The following AGBL1 variants were observed in gnomAD, a reference collection of about 807,000 sequenced individuals.
The protein encoded by AGBL1 is cytosolic carboxypeptidase 4.
AGBL1 carries 130 observed loss-of-function variants against 118.9 expected under a neutral mutation model. The ratio of observed to expected loss-of-function variants is 1.09; its 90% confidence interval spans 0.95 to 1.26. The LOEUF (loss-of-function observed/expected upper bound fraction) is 1.26. AGBL1 is among the 50% of genes most tolerant of loss of function. The pLI is 0.00. For missense variants in AGBL1, 1,584 were observed against 1,298.1 expected (o/e 1.22, Z -3.38); for synonymous variants, 555 against 478.9 (o/e 1.16, Z -2.08).
At chr15:86,315,057 A>T (rs2079980544) in intron 17 of AGBL1, among the ~76,000 whole-genome samples, 2 of 152,198 alleles carry the variant, frequency 1.3e-5, no homozygotes, top group Non-Finnish European at 1.5e-5. Flanking sequence ...ACACAGCGTA[A>T]AGAGAGGGTG....
In AGBL1 at chr15:86,262,795, A is replaced by C; in HGVS notation, c.987A>C (p.Thr329=). The C allele has an allele frequency of 6.2e-7, 1 of 1,607,052 alleles. No individual in the cohort carries two copies. The highest frequency in any genetic ancestry group is 1.1e-5 in the South Asian group (1 of 89,460). ...DGKVEDDDLE[T]DVNKLSSKPG... ...CATTTTAGGATGATGACTTGGAAAC[A>C]GACGTGAACAAGCTGAGTTCCAAAC... Residue 329 remains threonine, a synonymous_variant, in exon 10 of 23, where the codon ACA becomes ACC. Coordinates refer to ENST00000614907, the MANE Select transcript of AGBL1 (RefSeq NM_001386094.1).
At chr15:86,566,093 C>T (rs1469547548) in intron 21 of AGBL1, among the ~76,000 whole-genome samples, 1 of 126,730 alleles carries the variant, frequency 7.9e-6, no homozygotes, top group Non-Finnish European at 1.6e-5. Flanking sequence ...GAGGTGATGC[C>T]TCGCCCTGCT....
Position 86,264,257 on chromosome 15 carries a change from G to A in AGBL1, c.1087-1G>A. 6.3e-7 allele frequency: 1 copy of A among 1,581,920 alleles called. No homozygotes were observed. The highest frequency in any genetic ancestry group is 8.6e-7 in the Non-Finnish European group (1 of 1,164,102). On this transcript the variant is annotated splice_acceptor_variant, in intron 10 of 22. Transcript: ENST00000614907. LOFTEE classifies it high-confidence loss of function. ...TATTGTATTCCATTTTGAACCTGAAGGAACTGCAGTCCAAACTTGGAGATG... is the reference window on the plus strand; with the variant it reads ...TATTGTATTCCATTTTGAACCTGAAAGAACTGCAGTCCAAACTTGGAGATG...
intron 18 of AGBL1, among the ~76,000 whole-genome samples, chr15:86,452,434 T>A (rs192468875): frequency 5.2e-4 from 79 of 152,330 alleles, no homozygotes; most frequent in Non-Finnish European, 8.8e-4. Flanking sequence ...TATGACACTG[T>A]AATGTAATTT....
intron 18 of AGBL1, among the ~76,000 whole-genome samples, chr15:86,437,380 G>A (rs767636704): frequency 5.4e-4 from 82 of 152,226 alleles, no homozygotes; most frequent in Non-Finnish European, 8.2e-4. Flanking sequence ...AGATTGAGGA[G>A]GCACTGCTCC....
intron 1 of AGBL1, among the ~76,000 whole-genome samples, chr15:86,092,803 G>A (rs935250372): frequency 2.6e-5 from 4 of 152,010 alleles, no homozygotes; most frequent in African/African-American, 9.7e-5. Context: ...GAGCAAGAGA[G>A]GGTCAAATTC....
At chr15:86,691,362 T>TC (rs1491542655) in intron 22 of AGBL1, among the ~76,000 whole-genome samples, 1 of 152,186 alleles carries the variant, frequency 6.6e-6, no homozygotes, top group Non-Finnish European at 1.5e-5. Context: ...TTTTAAATCT[T>TC]CCAACTTGTG....
At chr15:86,411,021 T>A (rs534330300) in intron 18 of AGBL1, among the ~76,000 whole-genome samples, 1 of 146,694 alleles carries the variant, frequency 6.8e-6, no homozygotes, top group East Asian at 2.0e-4. Context: ...TAGAACTGAA[T>A]AGGTTGTACA....
chr15:86,565,901 A>T (rs1287799085), intron 21 of AGBL1, among the ~76,000 whole-genome samples: 1 of 152,204 alleles, frequency 6.6e-6, no homozygotes, highest in Non-Finnish European at 1.5e-5. Flanking sequence ...GCAATGAGCG[A>T]GGCTCCATGG....
chr15:86,947,941 T>C (rs2080842611), intron 23 of AGBL1, among the ~76,000 whole-genome samples: 1 of 152,238 alleles, frequency 6.6e-6, no homozygotes, highest in Non-Finnish European at 1.5e-5. Context: ...ACATTAATTA[T>C]CTGCTTTAGC....
chr15:86,661,502 G>C (rs1263468089), intron 21 of AGBL1, among the ~76,000 whole-genome samples: 5 of 151,678 alleles, frequency 3.3e-5, no homozygotes, highest in Admixed American at 3.3e-4. Context: ...ACCCAGTCCA[G>C]TTAGCAGAAC....
At chr15:86,488,338 T>C (rs546397470) in intron 18 of AGBL1, among the ~76,000 whole-genome samples, 1 of 151,992 alleles carries the variant, frequency 6.6e-6, no homozygotes, top group South Asian at 2.1e-4. Flanking sequence ...ACCCCCGAGA[T>C]TGCTGCCAAA....
At chr15:86,598,615 G>T (rs75037430) in intron 21 of AGBL1, among the ~76,000 whole-genome samples, 2 of 152,010 alleles carry the variant, frequency 1.3e-5, no homozygotes, top group East Asian at 3.9e-4. Context: ...AATGACTTCT[G>T]CCAGAGTTAG....
At chr15:86,262,078 C>CTTTTTTTTTTTTTTTCTTT (rs2078997869) in intron 9 of AGBL1, among the ~76,000 whole-genome samples, 1 of 52,768 alleles carries the variant, frequency 1.9e-5, no homozygotes, top group African/African-American at 6.1e-5. Flanking sequence ...GCATAGCTGG[C>CTTTTTTTTTTTTTTTCTTT]TTTTTTTTTT....
chr15:86,804,457 A>G (rs1030265495), intron 22 of AGBL1, among the ~76,000 whole-genome samples: 7 of 152,174 alleles, frequency 4.6e-5, no homozygotes, highest in Non-Finnish European at 8.8e-5. Flanking sequence ...TTTCAAGCCA[A>G]TGGTGGAGGC....
intron 22 of AGBL1, among the ~76,000 whole-genome samples, chr15:86,694,362 A>G (rs944720005): frequency 2.6e-5 from 4 of 151,888 alleles, no homozygotes; most frequent in East Asian, 1.9e-4. Context: ...CAGCTAACGT[A>G]AAGGGTGTTG....
chr15:86,694,618 A>G (rs1446760569), intron 22 of AGBL1, among the ~76,000 whole-genome samples: 1 of 151,476 alleles, frequency 6.6e-6, no homozygotes, highest in Non-Finnish European at 1.5e-5. Flanking sequence ...TCTGACTAGG[A>G]CTCCCAGTTC....
rs757625817 is a variant in AGBL1 at position 86,258,012 on chromosome 15, C to G, written c.950C>G (p.Thr317Ser). The change falls in exon 9 of 23, where the codon ACT (threonine) becomes AGT (serine). Residue 317 changes from threonine (T) to serine (S), a missense_variant. Transcript: ENST00000614907. ...GDDEVDKDSD[T>S]EDGKVEDDDL... is the part of the protein sequence containing the mutation. ...GATGAAGTGGACAAAGACTCTGATACTGAAGATGGGAAAGTGGAAGTAGGT... is the reference window on the plus strand; with the variant it reads ...GATGAAGTGGACAAAGACTCTGATAGTGAAGATGGGAAAGTGGAAGTAGGT... The G allele has an allele frequency of 6.2e-7, 1 of 1,613,720 alleles. No individual in the cohort carries two copies. The highest frequency in any genetic ancestry group is 1.1e-5 in the South Asian group (1 of 91,048).
In AGBL1 at chr15:86,912,845, A is replaced by G. The variant is rs2080369390; in HGVS notation, c.*5551A>G. The stretch of plus-strand genomic sequence containing the variant: ...GGTACAGCTCACCCCAGCTCCCCAA[A>G]CTCTCTAGTCTTGGAAAGACATGCA... On this transcript the variant is annotated 3_prime_UTR_variant, in exon 23 of 23. Transcript: ENST00000614907. 6.6e-6 allele frequency: 1 copy of G among 151,888 alleles called. No individual in the cohort carries two copies. Among genetic ancestry groups the G allele is most frequent in the Non-Finnish European group, 1.5e-5 (1 of 68,010 alleles). 9.4% of individuals were successfully genotyped at this position (151,888 alleles called of 1,614,324 possible). A position where few individuals can be genotyped will look rare whatever the true frequency, so the allele number is the denominator to read the frequency against.
Sources: allele counts gnomAD v4.1 joint callset (sites outside exome capture counted in the v4.1 genomes callset), GRCh38; gene constraint gnomAD v4.1.1; transcripts MANE v1.5; gene names NCBI Gene and HGNC (gene_info 2026-07-23, HGNC 2026-07-21).